Variants in TUT7 observed in about 807,000 individuals in gnomAD.
The protein encoded by TUT7 is terminal uridylyltransferase 7.
TUT7 carries 33 observed loss-of-function variants against 165.9 expected under a neutral mutation model. The observed-to-expected ratio is 0.20, with a 90% CI of 0.15 to 0.27. The LOEUF is 0.27. TUT7 is among the 10% of genes least tolerant of loss of function. TUT7 has a pLI of 1.00. For synonymous variants in TUT7, 552 were observed against 608.1 expected (o/e 0.91, Z 1.36); for missense variants, 1,338 against 1,762.3 (o/e 0.76, Z 4.31).
At chr9:86,345,960 T>C (rs1002080100) in intron 3 of TUT7, among the ~76,000 whole-genome samples, 175 bp from the exon 4 acceptor site, 1 of 152,148 alleles carries the variant, frequency 6.6e-6, no homozygotes, top group Non-Finnish European at 1.5e-5. Context: ...CATTATAGCA[T>C]ACTACAGCCC....
chr9:86,345,446 C>T (rs553878176), intron 4 of TUT7, among the ~76,000 whole-genome samples: 1 of 152,280 alleles, frequency 6.6e-6, no homozygotes, highest in African/African-American at 2.4e-5. Flanking sequence ...ATACCTGGGT[C>T]CTATCAATGA....
At chr9:86,298,160 T>C (rs1826527305) in intron 26 of TUT7, among the ~76,000 whole-genome samples, 1 of 152,172 alleles carries the variant, frequency 6.6e-6, no homozygotes, top group Non-Finnish European at 1.5e-5. Flanking sequence ...TGTTTTGTTA[T>C]TTCTTCCTAG....
chr9:86,322,838 C>G, intron 13 of TUT7, 35 bp downstream of exon 13: 1 of 1,535,172 alleles, frequency 6.5e-7, no homozygotes, highest in Non-Finnish European at 8.7e-7. Flanking sequence ...TCCTTAAAGT[C>G]TCCTAGTTCT....
intron 10 of TUT7, among the ~76,000 whole-genome samples, chr9:86,336,090 G>A (rs1650766494): frequency 6.6e-6 from 1 of 152,130 alleles, no homozygotes; most frequent in Non-Finnish European, 1.5e-5. Flanking sequence ...AGAAGATCAA[G>A]ACACATGAAA....
chr9:86,304,280 A>T (rs1239318892), intron 24 of TUT7, among the ~76,000 whole-genome samples: 2 of 152,188 alleles, frequency 1.3e-5, no homozygotes, highest in Non-Finnish European at 2.9e-5. Flanking sequence ...GAAGAACATA[A>T]TATTATTCTT....
chr9:86,296,664 T>TA (rs1235769497), intron 26 of TUT7, among the ~76,000 whole-genome samples: 6 of 152,210 alleles, frequency 3.9e-5, no homozygotes, highest in African/African-American at 1.4e-4. Flanking sequence ...ATAGATGACA[T>TA]ATCTGGAGCT....
intron 26 of TUT7, among the ~76,000 whole-genome samples, chr9:86,293,749 G>A (rs1480302088): frequency 6.6e-6 from 1 of 152,124 alleles, no homozygotes; most frequent in Non-Finnish European, 1.5e-5. Context: ...TTATATAAAT[G>A]GTGCTCTTCC....
At chr9:86,292,460 CTT>C (rs1483439086) in intron 26 of TUT7, among the ~76,000 whole-genome samples, 3 of 146,832 alleles carry the variant, frequency 2.0e-5, no homozygotes, top group African/African-American at 5.1e-5. Context: ...CAGAGGGAGA[CTT>C]TGTCTCAAAA....
chr9:86,343,765 T>C (rs1005235347), intron 5 of TUT7, among the ~76,000 whole-genome samples: 1 of 152,200 alleles, frequency 6.6e-6, no homozygotes, highest in Non-Finnish European at 1.5e-5. Context: ...ATCACTGACA[T>C]AGGTAGCAGA....
At chr9:86,298,578 C>T (rs973667766) in intron 26 of TUT7, among the ~76,000 whole-genome samples, 2 of 152,172 alleles carry the variant, frequency 1.3e-5, no homozygotes, top group Non-Finnish European at 2.9e-5. Context: ...CATGCTTAAC[C>T]ACTGAAGAAT....
intron 17 of TUT7, among the ~76,000 whole-genome samples, chr9:86,315,301 A>G (rs1257176826): frequency 6.6e-6 from 1 of 152,242 alleles, no homozygotes; most frequent in Non-Finnish European, 1.5e-5. Context: ...CTGTGTGCCT[A>G]AGTCATTTCT....
intron 2 of TUT7, among the ~76,000 whole-genome samples, chr9:86,350,286 G>A (rs977827256): frequency 1.3e-5 from 2 of 152,008 alleles, no homozygotes; most frequent in Non-Finnish European, 2.9e-5. Flanking sequence ...AACCAAGATC[G>A]CACCACTGCA....
intron 10 of TUT7, among the ~76,000 whole-genome samples, chr9:86,332,680 T>C (rs1474553276): frequency 6.6e-6 from 1 of 152,228 alleles, no homozygotes; most frequent in Non-Finnish European, 1.5e-5. Context: ...CCTGCACATG[T>C]ACCTTTGAAC....
At position 86,309,309 on chromosome 9, in the gene TUT7, T is replaced by C; in HGVS notation, c.3583-20A>G. The C allele has an allele frequency of 2.0e-6, 3 of 1,494,016 alleles. No homozygotes were observed. Among genetic ancestry groups the C allele is most frequent in the South Asian group, 2.3e-5 (2 of 85,620 alleles). 92.5% of individuals were successfully genotyped at this position (1,494,016 alleles called of 1,614,324 possible). Reference sequence around the variant, plus strand: ...GTATATCTGAAATTAATTTTTAAACTATTAGTATGGATTACAAACTTAATG... The same window carrying C: ...GTATATCTGAAATTAATTTTTAAACCATTAGTATGGATTACAAACTTAATG... On this transcript the variant is annotated intron_variant, in intron 20 of 26. Transcript: ENST00000375963.
chr9:86,348,803 T>A (rs563582537), intron 2 of TUT7, among the ~76,000 whole-genome samples: 1 of 152,114 alleles, frequency 6.6e-6, no homozygotes, highest in African/African-American at 2.4e-5. Context: ...GCCTTCTAAC[T>A]AACAACATAA....
chr9:86,324,101 A>T, intron 12 of TUT7, 141 bp from the exon 13 acceptor site: 2 of 789,822 alleles, frequency 2.5e-6, no homozygotes, highest in East Asian at 5.9e-5. Context: ...GACTTAAAAA[A>T]AAACTGGGGG....
chr9:86,351,536 A>G (rs1363083818), intron 2 of TUT7, among the ~76,000 whole-genome samples: 12 of 152,250 alleles, frequency 7.9e-5, no homozygotes, highest in Admixed American at 5.9e-4. Flanking sequence ...TTTAATATTA[A>G]TAAGTGCTTG....
Position 86,298,804 on chromosome 9 carries a change from C to CT in TUT7, c.4420+2471dup, listed in dbSNP as rs1429658676. 60 of 984,896 alleles carry CT rather than the reference C, an allele frequency of 6.1e-5. No homozygotes were observed. The Middle Eastern group carries it at 2.1e-3, about 34-fold the overall frequency. The allele number at this position is 984,896 out of a possible 1,614,324, so 61.0% of individuals were successfully genotyped here. On this transcript the variant is annotated intron_variant, in intron 26 of 26. Coordinates refer to ENST00000375963, the MANE Select transcript of TUT7 (RefSeq NM_024617.4). ...TCAAAAATATTGTTGTTTTTTGTTT[C>CT]TTTTTGTCTTCATGTAAAAGCACTG...
chr9:86,319,065 G>C lies in TUT7; in HGVS notation c.3116-7C>G. ...AACAGGCTCAATTTAGTTCCTGTTA[G>C]GGATATATGAAAAGTAATAACTAAT... On this transcript the variant is annotated splice_polypyrimidine_tract_variant and splice_region_variant and intron_variant, in intron 15 of 26. Transcript: ENST00000375963. The C allele has an allele frequency of 6.2e-7, 1 of 1,601,420 alleles. No homozygotes were observed. The highest frequency in any genetic ancestry group is 8.5e-7 in the Non-Finnish European group (1 of 1,171,792).
Sources: allele counts gnomAD v4.1 joint callset (sites outside exome capture counted in the v4.1 genomes callset), GRCh38; gene constraint gnomAD v4.1.1; transcripts MANE v1.5; gene names NCBI Gene and HGNC (gene_info 2026-07-23, HGNC 2026-07-21).